Variants in ACOXL observed in about 807,000 individuals in gnomAD.
ACOXL encodes the protein acyl-coenzyme A oxidase-like protein.
Under a neutral mutation model 71.9 loss-of-function variants are expected in ACOXL, and 70 were observed. The observed-to-expected ratio is 0.97, with a 90% CI of 0.80 to 1.19. The LOEUF (loss-of-function observed/expected upper bound fraction) is 1.19. Ranked by LOEUF, ACOXL falls within the 50% of genes most tolerant of loss-of-function variation. ACOXL has a pLI of 0.00. For synonymous variants in ACOXL, 253 were observed against 281.6 expected (o/e 0.90, Z 1.02); for missense variants, 703 against 736.3 (o/e 0.95, Z 0.52).
At chr2:110,753,542 T>A (rs77251808) in intron 1 of ACOXL, among the ~76,000 whole-genome samples, 3,959 of 152,316 alleles carry the variant, frequency 0.026, 76 homozygotes, top group East Asian at 0.055. Context: ...TGTCATTTAT[T>A]GTGTATCAGC....
intron 3 of ACOXL, among the ~76,000 whole-genome samples, chr2:110,787,401 GCA>G (rs1684102875): frequency 6.6e-6 from 1 of 151,826 alleles, no homozygotes; most frequent in Non-Finnish European, 1.5e-5. Context: ...GGGCGTGGTG[GCA>G]GACGCCTGTA....
At chr2:111,107,757 G>C (rs1040259081) in intron 17 of ACOXL, among the ~76,000 whole-genome samples, 3 of 152,244 alleles carry the variant, frequency 2.0e-5, no homozygotes, top group African/African-American at 7.2e-5. Flanking sequence ...CAAAGTGTTA[G>C]GATTACAGGC....
chr2:111,031,900 T>C (rs1260109756), intron 15 of ACOXL, among the ~76,000 whole-genome samples, 186 bp downstream of exon 15: 1 of 152,154 alleles, frequency 6.6e-6, no homozygotes, highest in East Asian at 1.9e-4. Flanking sequence ...CCCAACTTAC[T>C]AGGAACACTG....
chr2:111,027,325 C>CT lies in ACOXL; in HGVS notation c.1282-4288dup, dbSNP rs530926518. On this transcript the variant is annotated intron_variant, in intron 14 of 17. Coordinates refer to ENST00000439055, the MANE Select transcript of ACOXL (RefSeq NM_001142807.4). ...TTCTGTTGATTTAAAGAAAATTATT[C>CT]TTTTTTTTTTTTTTGAGACAGAGTT... Among the ~76,000 whole-genome samples, 238 of 142,108 alleles carry CT rather than the reference C, an allele frequency of 1.7e-3. 2 individuals are homozygous for CT. The highest frequency in any genetic ancestry group is 4.9e-3 in the South Asian group (22 of 4,458). The allele number at this position is 142,108 out of a possible 152,430, so 93.2% of individuals were successfully genotyped here.
chr2:111,033,413 A>G (rs1171889195), intron 15 of ACOXL, among the ~76,000 whole-genome samples: 2 of 152,334 alleles, frequency 1.3e-5, no homozygotes, highest in Non-Finnish European at 2.9e-5. Flanking sequence ...TCATCAGTAC[A>G]TGCCCTATCT....
intron 9 of ACOXL, among the ~76,000 whole-genome samples, chr2:110,832,334 C>G (rs372462225): frequency 6.6e-6 from 1 of 151,710 alleles, no homozygotes; most frequent in Admixed American, 6.6e-5. Flanking sequence ...GTCAGGAGAT[C>G]GAGACCATCC....
intron 11 of ACOXL, among the ~76,000 whole-genome samples, chr2:110,918,557 T>C (rs1421716142): frequency 2.6e-5 from 4 of 152,040 alleles, no homozygotes; most frequent in African/African-American, 9.7e-5. Flanking sequence ...ACAAATGGGA[T>C]CTAATTAAAC....
At chr2:110,934,897 C>T (rs2060604377) in intron 12 of ACOXL, among the ~76,000 whole-genome samples, 1 of 152,116 alleles carries the variant, frequency 6.6e-6, no homozygotes, top group Admixed American at 6.5e-5. Context: ...AATAGCTGGC[C>T]TAGGGTGCAG....
chr2:110,966,019 C>T (rs2061911666), intron 12 of ACOXL, among the ~76,000 whole-genome samples: 1 of 152,076 alleles, frequency 6.6e-6, no homozygotes, highest in Non-Finnish European at 1.5e-5. Context: ...CCAGACACAA[C>T]AAAAAAACAT....
intron 12 of ACOXL, among the ~76,000 whole-genome samples, chr2:110,979,264 C>A (rs943538584): frequency 6.6e-6 from 1 of 152,160 alleles, no homozygotes; most frequent in Admixed American, 6.5e-5. Context: ...CCTTGGTGAC[C>A]CCACAGCTGG....
At chr2:110,759,326 T>G (rs1305236742) in intron 1 of ACOXL, among the ~76,000 whole-genome samples, 2 of 152,178 alleles carry the variant, frequency 1.3e-5, no homozygotes, top group African/African-American at 4.8e-5. Context: ...TCTTTGTAGG[T>G]CTCTAAGAAT....
chr2:110,928,238 C>T (rs1489064339), intron 11 of ACOXL, among the ~76,000 whole-genome samples: 2 of 152,218 alleles, frequency 1.3e-5, no homozygotes, highest in African/African-American at 4.8e-5. Context: ...ATTTACCAGG[C>T]ACTGTCCTAA....
At chr2:111,031,805 C>A in intron 15 of ACOXL, 91 bp downstream of exon 15, 1 of 1,296,142 alleles carries the variant, frequency 7.7e-7, no homozygotes, top group Non-Finnish European at 1.1e-6. Flanking sequence ...AGGACAGTCC[C>A]AACACACAGG....
intron 10 of ACOXL, among the ~76,000 whole-genome samples, chr2:110,877,391 C>T (rs562147635): frequency 6.6e-6 from 1 of 152,306 alleles, no homozygotes; most frequent in African/African-American, 2.4e-5. Context: ...TGCTGCGGCC[C>T]GTGTGCTTGC....
At position 110,888,837 on chromosome 2, in the gene ACOXL, C is replaced by T. The variant is rs181921406; in HGVS notation, c.789-19952C>T. Reference sequence around the variant, plus strand: ...ATTGCAGATTCAAATTATAATGGAACTTGAAAGAAGTTTTTAGTGTCTGGG... The same window carrying T: ...ATTGCAGATTCAAATTATAATGGAATTTGAAAGAAGTTTTTAGTGTCTGGG... On this transcript the variant is annotated intron_variant, in intron 10 of 17. Coordinates refer to ENST00000439055, the MANE Select transcript of ACOXL (RefSeq NM_001142807.4). Among the ~76,000 whole-genome samples, 19 of 152,250 alleles carry T rather than the reference C, an allele frequency of 1.2e-4. No homozygotes were observed. The East Asian group carries it at 3.7e-3, about 29-fold the overall frequency.
At chr2:111,096,489 C>T (rs2068810116) in intron 17 of ACOXL, among the ~76,000 whole-genome samples, 3 of 152,088 alleles carry the variant, frequency 2.0e-5, no homozygotes, top group Admixed American at 6.6e-5. Context: ...GATCTGCCCC[C>T]CTCAGCCTCT....
chr2:110,883,107 G>GTTTTTTTTTTTTTTTT (rs34915436), intron 10 of ACOXL, among the ~76,000 whole-genome samples: 1 of 109,264 alleles, frequency 9.2e-6, no homozygotes, highest in Non-Finnish European at 1.8e-5. Context: ...TTTGTCACTG[G>GTTTTTTTTTTTTTTTT]TTTTTTTTTT....
intron 11 of ACOXL, among the ~76,000 whole-genome samples, chr2:110,915,396 G>A (rs1306380814): frequency 7.0e-6 from 1 of 142,210 alleles, no homozygotes; most frequent in Non-Finnish European, 1.5e-5. Flanking sequence ...ATGTGTGTGT[G>A]TGTGTATATA....
At chr2:110,868,742 C>T (rs972697375) in intron 10 of ACOXL, among the ~76,000 whole-genome samples, 26 of 152,170 alleles carry the variant, frequency 1.7e-4, no homozygotes, top group African/African-American at 6.3e-4. Flanking sequence ...CCATGTGCCA[C>T]CATGCCCAGC....
Sources: gnomAD v4.1 joint callset for allele counts (sites outside exome capture counted in the v4.1 genomes callset) on GRCh38, gnomAD v4.1.1 for gene constraint, MANE v1.5 for transcripts, NCBI Gene and HGNC (gene_info 2026-07-23, HGNC 2026-07-21) for gene names.